Variants in ZMAT3 observed in about 807,000 individuals in gnomAD.
The protein encoded by ZMAT3 is zinc finger matrin-type 3.
ZMAT3 carries 17 observed loss-of-function variants against 32.3 expected under a neutral mutation model. The observed-to-expected ratio is 0.53, with a 90% CI of 0.36 to 0.79. ZMAT3 has a LOEUF of 0.79. Among genes scored for constraint, ZMAT3 ranks in the 30% least tolerant of loss-of-function variants. ZMAT3 has a pLI of 0.00. For missense variants in ZMAT3, 329 were observed against 359.7 expected, an observed-to-expected ratio of 0.91 and a Z score of 0.69; for synonymous variants, 120 against 133.1, an observed-to-expected ratio of 0.90 and a Z score of 0.68.
chr3:179,059,757 C>T (rs1721055853), intron 2 of ZMAT3, among the ~76,000 whole-genome samples: 6 of 152,180 alleles, frequency 3.9e-5, no homozygotes. Context: ...CCTGATTCAG[C>T]AGGAAGTAGT....
chr3:179,040,690 A>T (rs1236193429), intron 2 of ZMAT3, among the ~76,000 whole-genome samples: 5 of 152,142 alleles, frequency 3.3e-5, no homozygotes, highest in Non-Finnish European at 7.4e-5. Context: ...AACAACCAGC[A>T]AACATCATGA....
At chr3:179,067,372 A>C in intron 2 of ZMAT3, 111 bp downstream of exon 2, 2 of 1,155,184 alleles carry the variant, frequency 1.7e-6, no homozygotes, top group Non-Finnish European at 2.5e-6. Context: ...GTTGTTCTCT[A>C]AGCCATCTTG....
intron 2 of ZMAT3, among the ~76,000 whole-genome samples, chr3:179,062,109 G>A (rs1007916527): frequency 6.6e-6 from 1 of 152,084 alleles, no homozygotes; most frequent in Non-Finnish European, 1.5e-5. Context: ...AATTTTTTTA[G>A]GAGAAAGTTG....
chr3:179,023,338 T>C lies in ZMAT3; in HGVS notation c.*1679A>G, dbSNP rs950778590. 1.3e-5 allele frequency: 2 copies of C among 152,012 alleles called. No homozygotes were observed. The highest frequency in any genetic ancestry group is 2.9e-5 in the Non-Finnish European group (2 of 67,998). 9.4% of individuals were successfully genotyped at this position (152,012 alleles called of 1,614,324 possible). A position where few individuals can be genotyped will look rare whatever the true frequency, so the allele number is the denominator to read the frequency against. On this transcript the variant is annotated 3_prime_UTR_variant, in exon 6 of 6. Transcript: ENST00000311417. ...AATTATCAGATGCCAAAGTGATCTA[T>C]CATATACTTGTTAGTATCTTCAAGA...
chr3:179,060,880 A>T (rs1721121356), intron 2 of ZMAT3, among the ~76,000 whole-genome samples: 1 of 152,142 alleles, frequency 6.6e-6, no homozygotes, highest in Non-Finnish European at 1.5e-5. Flanking sequence ...TAAGAATCAG[A>T]AGATTTCTCT....
chr3:179,041,536 A>G (rs1719927675), intron 2 of ZMAT3, among the ~76,000 whole-genome samples: 1 of 152,256 alleles, frequency 6.6e-6, no homozygotes, highest in African/African-American at 2.4e-5. Flanking sequence ...GAAACAAATG[A>G]GAACAAAAAC....
At chr3:179,044,773 C>T (rs1720139603) in intron 2 of ZMAT3, among the ~76,000 whole-genome samples, 2 of 152,054 alleles carry the variant, frequency 1.3e-5, no homozygotes, top group South Asian at 4.1e-4. Context: ...AGCAAACTAT[C>T]ACAAGGACAG....
intron 3 of ZMAT3, among the ~76,000 whole-genome samples, chr3:179,029,557 G>A (rs1012527366): frequency 2.6e-5 from 4 of 151,852 alleles, no homozygotes; most frequent in African/African-American, 4.8e-5. Flanking sequence ...TCCACCTCCC[G>A]GGTTCAAGTG....
intron 2 of ZMAT3, among the ~76,000 whole-genome samples, chr3:179,034,561 G>A (rs936664800): frequency 6.6e-6 from 1 of 152,166 alleles, no homozygotes; most frequent in Non-Finnish European, 1.5e-5. Flanking sequence ...AATACCATGA[G>A]TAAGTTGGTG....
chr3:179,068,467 G>A (rs189205847), intron 1 of ZMAT3, among the ~76,000 whole-genome samples: 29 of 152,012 alleles, frequency 1.9e-4, no homozygotes, highest in Admixed American at 1.6e-3. Context: ...AGCCGAGATC[G>A]TGCCATTGCA....
intron 2 of ZMAT3, among the ~76,000 whole-genome samples, chr3:179,033,147 A>G (rs1719380248): frequency 2.0e-5 from 3 of 152,356 alleles, no homozygotes; most frequent in Admixed American, 1.3e-4. Context: ...ACTAAGAAAA[A>G]TTCTTCTGCC....
intron 1 of ZMAT3, among the ~76,000 whole-genome samples, chr3:179,070,528 C>A (rs970944252): frequency 8.3e-4 from 127 of 152,172 alleles, no homozygotes; most frequent in African/African-American, 3.0e-3. Flanking sequence ...CATTTGCAAA[C>A]AAAAATTAGT....
Position 179,031,070 on chromosome 3 carries a change from G to C in ZMAT3, c.271-71C>G, listed in dbSNP as rs1262693996. 3.0e-6 allele frequency: 4 copies of C among 1,328,590 alleles called. No individual in the cohort carries two copies. The South Asian group carries it at 6.5e-5, about 22-fold the overall frequency. 82.3% of individuals were successfully genotyped at this position (1,328,590 alleles called of 1,614,324 possible). On this transcript the variant is annotated intron_variant, in intron 2 of 5. Transcript: ENST00000311417. ...AGTTTCAGCAATTTCAGTTAGCTAT[G>C]GTCAACTGTGGTCCAAAAATATTAA...
chr3:179,025,075 T>G lies in ZMAT3; in HGVS notation c.812A>C (p.Lys271Thr). ...GTACCGCTGTTCAGACACCTTGCTC[T>G]TATGTTGCTTGCTCTCTAAATGCTG... ...FRQHLESKQH[K>T]SKVSEQRYRN... Residue 271 changes from lysine to threonine, a missense_variant, in exon 6 of 6, where the codon AAG becomes ACG. Coordinates refer to ENST00000311417, the MANE Select transcript of ZMAT3 (RefSeq NM_022470.4). 1 of 1,614,236 alleles carries G rather than the reference T, an allele frequency of 6.2e-7. No homozygotes were observed.
At chr3:179,028,894 T>G (rs1319690709) in intron 3 of ZMAT3, among the ~76,000 whole-genome samples, 1 of 152,110 alleles carries the variant, frequency 6.6e-6, no homozygotes, top group Non-Finnish European at 1.5e-5. Flanking sequence ...ACACGGTGGC[T>G]CATGCCTGTA....
At position 179,021,691 on chromosome 3, in the gene ZMAT3, A is replaced by G. The variant is rs557528742; in HGVS notation, c.*3326T>C. On this transcript the variant is annotated 3_prime_UTR_variant, in exon 6 of 6. Transcript: ENST00000311417. Reference sequence around the variant, plus strand: ...GACAGACTGAGCTTCACAAAATGAAACCAACGAAGATCACATATCACTGAC... The same window carrying G: ...GACAGACTGAGCTTCACAAAATGAAGCCAACGAAGATCACATATCACTGAC... 6.6e-6 allele frequency: 1 copy of G among 152,332 alleles called. No individual in the cohort carries two copies. Among genetic ancestry groups the G allele is most frequent in the East Asian group, 1.9e-4 (1 of 5,186 alleles). 9.4% of individuals were successfully genotyped at this position (152,332 alleles called of 1,614,324 possible). A position where few individuals can be genotyped will look rare whatever the true frequency, so the allele number is the denominator to read the frequency against.
chr3:179,041,433 C>T (rs558155734), intron 2 of ZMAT3, among the ~76,000 whole-genome samples: 1 of 152,228 alleles, frequency 6.6e-6, no homozygotes, highest in Admixed American at 6.5e-5. Context: ...GAAACTCACT[C>T]AAAACTGCAC....
At chr3:179,057,206 A>G (rs182792858) in intron 2 of ZMAT3, among the ~76,000 whole-genome samples, 12 of 152,252 alleles carry the variant, frequency 7.9e-5, no homozygotes, top group African/African-American at 2.6e-4. Flanking sequence ...CAGAAACCCA[A>G]CAGACAGTGG....
intron 2 of ZMAT3, among the ~76,000 whole-genome samples, chr3:179,060,063 G>T (rs182929629): frequency 5.3e-5 from 8 of 152,150 alleles, no homozygotes; most frequent in African/African-American, 1.4e-4. Context: ...CCAGGCATTC[G>T]AGCCAGCAAC....
Sources: gnomAD v4.1 joint callset for allele counts (sites outside exome capture counted in the v4.1 genomes callset) on GRCh38, gnomAD v4.1.1 for gene constraint, MANE v1.5 for transcripts, NCBI Gene and HGNC (gene_info 2026-07-23, HGNC 2026-07-21) for gene names.